GREB1: variants seen among roughly 807,000 people sequenced by gnomAD.
GREB1 encodes the protein growth regulating estrogen receptor binding 1.
A neutral mutation model predicts 200.7 loss-of-function variants in GREB1; 106 were observed. That is an observed-to-expected ratio of 0.53 (90% CI 0.45 to 0.62). The LOEUF (loss-of-function observed/expected upper bound fraction) is 0.62, where lower values mean the gene tolerates loss of function less well. GREB1 is among the 20% of genes least tolerant of loss of function. The probability of loss-of-function intolerance (pLI) is 0.00; values close to 1 mark genes in which losing one functional copy is unlikely to be tolerated. For synonymous variants in GREB1, 1,132 were observed against 1,092.4 expected (o/e 1.04, Z -0.72); for missense variants, 2,243 against 2,556.8 (o/e 0.88, Z 2.65).
intron 1 of GREB1, among the ~76,000 whole-genome samples, chr2:11,536,265 C>T (rs1018843003): frequency 2.0e-5 from 3 of 152,168 alleles, no homozygotes; most frequent in South Asian, 4.1e-4. Flanking sequence ...TGACAGGATA[C>T]GGAGGCACTG....
At chr2:11,581,180 A>C (rs1027738526) in intron 7 of GREB1, 2 of 576,882 alleles carry the variant, frequency 3.5e-6, no homozygotes, top group African/African-American at 3.7e-5. Flanking sequence ...CTTCTGAATC[A>C]GAAAAATATG....
intron 13 of GREB1, 67 bp downstream of exon 13, chr2:11,596,306 T>G (rs1572862339): frequency 7.2e-7 from 1 of 1,387,204 alleles, no homozygotes; most frequent in Admixed American, 1.9e-5. Flanking sequence ...GCAGGGTCAG[T>G]GGGCGCAGGT....
chr2:11,589,576 G>A (rs1391517029), intron 10 of GREB1, among the ~76,000 whole-genome samples: 1 of 152,250 alleles, frequency 6.6e-6, no homozygotes, highest in Non-Finnish European at 1.5e-5. Context: ...ACATTGAGAA[G>A]CCATTGGAGT....
At chr2:11,536,185 T>A (rs60719461) in intron 1 of GREB1, among the ~76,000 whole-genome samples, 36,366 of 151,944 alleles carry the variant, frequency 0.24, 5,945 homozygotes, top group African/African-American at 0.46. Context: ...ACCACACAAT[T>A]GAAGAGATGC....
Position 11,585,867 on chromosome 2 carries a change from T to C in GREB1, c.1121T>C (p.Leu374Ser). The C allele has an allele frequency of 6.2e-7, 1 of 1,614,048 alleles. No individual in the cohort carries two copies. The highest frequency in any genetic ancestry group is 8.5e-7 in the Non-Finnish European group (1 of 1,180,048). The part of the protein sequence containing the change: ...SGEPVSVPDN[L>S]LKICKAKPVI... ...GAACCAGTGTCTGTTCCTGACAACT[T>C]GCTGAAAATATGCAAGGCCAAGCCA... The change falls in exon 9 of 33, where the codon TTG (leucine) becomes TCG (serine). Residue 374 changes from leucine (L) to serine (S), a missense_variant. Leu to Ser is a moderately radical substitution (Grantham distance 145, BLOSUM62 -2). Around this residue, in one of 3 missense-constraint regions of GREB1, gnomAD observed 1,178 missense variants for 1,387.4 expected, o/e 0.85. Coordinates refer to ENST00000381486, the MANE Select transcript of GREB1 (RefSeq NM_014668.4).
At chr2:11,552,724 G>A (rs997490012) in intron 1 of GREB1, among the ~76,000 whole-genome samples, 3 of 152,134 alleles carry the variant, frequency 2.0e-5, no homozygotes, top group South Asian at 2.1e-4. Flanking sequence ...AAAAAGAGCC[G>A]CAGTTGGCCG....
At position 11,595,266 on chromosome 2, in the gene GREB1, G is replaced by A. The variant is rs544316928; in HGVS notation, c.1712G>A (p.Arg571Gln). ...TGCTTTCCAGGAAAATACCAAGCCC[G>A]GATTCTTTCCGAGAGCCTTCTCACT... is the stretch of plus-strand genomic sequence containing the variant. ...CIAVTGKYQA[R>Q]ILSESLLTPA... is the part of the protein sequence containing the mutation. The change falls in exon 12 of 33, where the codon CGG becomes CAG. Residue 571 changes from arginine to glutamine, a missense_variant. Transcript: ENST00000381486. 3.7e-6 allele frequency: 6 copies of A among 1,613,266 alleles called. No individual in the cohort carries two copies. Among genetic ancestry groups the A allele is most frequent in the East Asian group, 2.2e-5 (1 of 44,840 alleles).
At chr2:11,625,514 T>A (rs1293884101) in intron 24 of GREB1, among the ~76,000 whole-genome samples, 1 of 152,178 alleles carries the variant, frequency 6.6e-6, no homozygotes, top group Non-Finnish European at 1.5e-5. Flanking sequence ...GCTCAGGAAG[T>A]GCTAAGTGAC....
At chr2:11,617,221 C>T (rs906416094) in intron 21 of GREB1, among the ~76,000 whole-genome samples, 5 of 152,344 alleles carry the variant, frequency 3.3e-5, no homozygotes, top group African/African-American at 7.2e-5. Context: ...AGGCTCCACA[C>T]GGTCTCTGCC....
intron 24 of GREB1, 108 bp from the exon 25 acceptor site, chr2:11,626,854 A>G (rs1684500873): frequency 8.7e-7 from 1 of 1,145,340 alleles, no homozygotes; most frequent in Non-Finnish European, 1.3e-6. Context: ...AACCAGACAG[A>G]ATCCTGTTGT....
chr2:11,604,060 G>A (rs1682029635), intron 17 of GREB1, among the ~76,000 whole-genome samples: 1 of 152,124 alleles, frequency 6.6e-6, no homozygotes, highest in Non-Finnish European at 1.5e-5. Context: ...GCTAGTAAAG[G>A]GTGGGCTGTG....
chr2:11,501,933 T>TTTGG (rs1673058071), intron 1 of GREB1, among the ~76,000 whole-genome samples: 1 of 95,160 alleles, frequency 1.1e-5, no homozygotes, highest in East Asian at 3.9e-4. Flanking sequence ...TTTTTTTTTT[T>TTTGG]GAGATGGAGT....
chr2:11,637,360 G>A (rs964514538), intron 30 of GREB1, among the ~76,000 whole-genome samples: 3 of 152,044 alleles, frequency 2.0e-5, no homozygotes, highest in Admixed American at 6.5e-5. Flanking sequence ...GGGGCTGGGC[G>A]GGATGGGGAC....
At chr2:11,506,338 G>A (rs142507606) in intron 1 of GREB1, among the ~76,000 whole-genome samples, 31 of 152,302 alleles carry the variant, frequency 2.0e-4, no homozygotes, top group African/African-American at 7.2e-4. Context: ...TGGGGACTGG[G>A]CTTGTGGCCA....
chr2:11,543,418 C>G (rs951943906), intron 1 of GREB1, among the ~76,000 whole-genome samples: 4 of 152,112 alleles, frequency 2.6e-5, no homozygotes, highest in African/African-American at 9.7e-5. Context: ...GCCAACTGCC[C>G]TGCATGTTAA....
intron 4 of GREB1, among the ~76,000 whole-genome samples, chr2:11,567,006 C>T (rs768097306): frequency 2.0e-5 from 3 of 151,426 alleles, no homozygotes; most frequent in Non-Finnish European, 2.9e-5. Flanking sequence ...AGAATGAGGC[C>T]GAGTGTGTTG....
Position 11,538,677 on chromosome 2 carries a change from CTTTCTTTCT to C in GREB1, c.-162+4426_-162+4434del, listed in dbSNP as rs1558510909. Among the ~76,000 whole-genome samples the C allele has an allele frequency of 4.4e-4, 21 of 47,916 alleles. 1 individual carries two copies. The highest frequency in any genetic ancestry group is 8.8e-4 in the African/African-American group (17 of 19,336). The allele number at this position is 47,916 out of a possible 152,430, so 31.4% of individuals were successfully genotyped here. On this transcript the variant is annotated intron_variant, in intron 1 of 32. Transcript: ENST00000381486. ...TCTTTCTTTCTTTCTTTCTTTCTTT[CTTTCTTTCT>C]TTCCTTCCTCCCTCCCTCCCTCCCT...
In GREB1 at chr2:11,597,929, C is replaced by G. The variant is rs1316741529; in HGVS notation, c.2103C>G (p.Pro701=). The G allele has an allele frequency of 5.6e-6, 9 of 1,614,068 alleles. No individual in the cohort carries two copies. The highest frequency in any genetic ancestry group is 1.7e-5 in the Admixed American group (1 of 60,010). ...FEKVDFLICI[P]PSEVTYQQTL... is the part of the protein sequence containing the mutation. ...AGGTGGACTTTCTCATTTGCATTCCCCCCTCAGAAGTGACCTACCAGCAGA... is the reference window on the plus strand; with the variant it reads ...AGGTGGACTTTCTCATTTGCATTCCGCCCTCAGAAGTGACCTACCAGCAGA... The change falls in exon 14 of 33, where the codon CCC becomes CCG. Residue 701 remains proline (P), a synonymous_variant. Transcript: ENST00000381486. This position sits in a 1 kb window ranked among gnomAD's most constrained non-coding sequence, Gnocchi z 4.1.
intron 10 of GREB1, among the ~76,000 whole-genome samples, chr2:11,590,268 C>T (rs880858): frequency 0.079 from 11,965 of 152,158 alleles, 770 homozygotes; most frequent in African/African-American, 0.17. Flanking sequence ...GCCGCCTCAC[C>T]GGGGCACCAT....
Sources: gnomAD v4.1 joint callset for allele counts (sites outside exome capture counted in the v4.1 genomes callset) on GRCh38, gnomAD v4.1.1 for gene constraint, gnomAD v4.1.1 regional missense constraint, Gnocchi (gnomAD v3.1) non-coding constraint, MANE v1.5 for transcripts, NCBI Gene and HGNC (gene_info 2026-07-23, HGNC 2026-07-21) for gene names.